COX16: variants seen among roughly 807,000 people sequenced by gnomAD.
COX16 encodes the protein cytochrome c oxidase assembly factor COX16, also known as cytochrome c oxidase assembly protein COX16 homolog, mitochondrial.
In COX16, 12 loss-of-function variants were observed where a neutral mutation model predicts 15.4. The observed-to-expected ratio is 0.78, with a 90% CI of 0.50 to 1.26. The LOEUF is 1.26. Ranked by LOEUF, COX16 falls within the 50% of genes most tolerant of loss-of-function variation. The pLI, the probability that COX16 is intolerant of heterozygous loss-of-function variation, is 0.00. For synonymous variants in COX16, 46 were observed against 41.1 expected (o/e 1.12, Z -0.46); for missense variants, 124 against 127.6 (o/e 0.97, Z 0.14).
intron 1 of COX16, chr14:70,359,311 AC>A (rs1566608979): frequency 7.7e-6 from 5 of 650,188 alleles, no homozygotes; most frequent in South Asian, 7.5e-5. Context: ...CTGAAATCCA[AC>A]CGGGAGTGGG....
chr14:70,332,114 A>C (rs1465622182), intron 2 of COX16, among the ~76,000 whole-genome samples: 1 of 152,232 alleles, frequency 6.6e-6, no homozygotes, highest in African/African-American at 2.4e-5. Context: ...ACCAGCTGCC[A>C]AGAGGTCCAG....
intron 2 of COX16, among the ~76,000 whole-genome samples, chr14:70,339,203 A>G (rs771152695): frequency 1.3e-5 from 2 of 152,200 alleles, no homozygotes; most frequent in Non-Finnish European, 2.9e-5. Context: ...GTGATCCAAC[A>G]ATGTATGACC....
In COX16 at chr14:70,326,265, A is replaced by G. The variant is rs778076740; in HGVS notation, c.*68T>C. 3.9e-5 allele frequency: 49 copies of G among 1,269,164 alleles called. No individual in the cohort carries two copies. Among genetic ancestry groups the G allele is most frequent in the Non-Finnish European group, 5.0e-5 (49 of 971,534 alleles). 78.6% of individuals were successfully genotyped at this position (1,269,164 alleles called of 1,614,324 possible). ...TTTCCTTTCCACTTGATAGAAGTAT[A>G]TATTAGGAAGTCCAGTTAATAATAT... On this transcript the variant is annotated 3_prime_UTR_variant, in exon 4 of 4. Coordinates refer to ENST00000389912, the MANE Select transcript of COX16 (RefSeq NM_016468.7).
chr14:70,347,361 C>G (rs1268814238), intron 1 of COX16, among the ~76,000 whole-genome samples: 1 of 152,192 alleles, frequency 6.6e-6, no homozygotes, highest in Non-Finnish European at 1.5e-5. Flanking sequence ...CCCTCCAATA[C>G]CACCCATTTT....
intron 3 of COX16, among the ~76,000 whole-genome samples, chr14:70,328,667 G>T (rs1886173366): frequency 6.6e-6 from 1 of 152,084 alleles, no homozygotes; most frequent in Non-Finnish European, 1.5e-5. Flanking sequence ...GCTTTCCCAT[G>T]TTCTTACTGA....
At chr14:70,336,681 A>G (rs772203162) in intron 2 of COX16, among the ~76,000 whole-genome samples, 5 of 152,226 alleles carry the variant, frequency 3.3e-5, no homozygotes, top group Admixed American at 6.5e-5. Flanking sequence ...ATTGAGAGAT[A>G]TATCTGTACT....
At chr14:70,331,668 AAATTGCTGGTAACAG>A (rs1379884650) in intron 2 of COX16, among the ~76,000 whole-genome samples, 2 of 152,250 alleles carry the variant, frequency 1.3e-5, no homozygotes, top group African/African-American at 4.8e-5. Context: ...CCTTAACAAT[AAATTGCTGGTAACAG>A]TATAGATGGA....
rs866027121 is a variant in COX16 at position 70,345,924 on chromosome 14, C to T, written c.70-3195G>A. The stretch of plus-strand genomic sequence containing the variant: ...CCAAGCCTCCTCGTTGTCTTCTCAG[C>T]TGCCATCTTCCCAGCTGCCATCTTC... On this transcript the variant is annotated intron_variant, in intron 1 of 3. Coordinates refer to ENST00000389912, the MANE Select transcript of COX16 (RefSeq NM_016468.7). Among the ~76,000 whole-genome samples, 4 of 152,062 alleles carry T rather than the reference C, an allele frequency of 2.6e-5. No individual in the cohort carries two copies. The South Asian group carries it at 8.3e-4, about 32-fold the overall frequency.
At chr14:70,353,853 TAAAG>T (rs1049629417) in intron 1 of COX16, among the ~76,000 whole-genome samples, 1 of 151,998 alleles carries the variant, frequency 6.6e-6, no homozygotes, top group Non-Finnish European at 1.5e-5. Context: ...ATATACCAAT[TAAAG>T]AATTAAATAT....
rs760078802 is a variant in COX16, at chr14:70,359,590, G to C, written c.-3C>G. The C allele has an allele frequency of 3.7e-6, 6 of 1,613,974 alleles. No individual in the cohort carries two copies. Among genetic ancestry groups the C allele is most frequent in the South Asian group, 2.2e-5 (2 of 91,080 alleles). ...CGCATCACCGCGGGTGCAAACATGA[G>C]TGAACTCTTCCATCGGCTCAGAACT... On this transcript the variant is annotated 5_prime_UTR_variant, in exon 1 of 4. Transcript: ENST00000389912.
At chr14:70,327,294 C>G (rs1886113073) in intron 3 of COX16, among the ~76,000 whole-genome samples, 1 of 152,112 alleles carries the variant, frequency 6.6e-6, no homozygotes, top group Non-Finnish European at 1.5e-5. Flanking sequence ...ATTTAAGCCA[C>G]CTGGGCATTA....
intron 2 of COX16, among the ~76,000 whole-genome samples, chr14:70,337,616 G>GA (rs1566599895): frequency 6.6e-6 from 1 of 151,932 alleles, no homozygotes; most frequent in Non-Finnish European, 1.5e-5. Context: ...AAAAACAAGA[G>GA]AAAAATAAAG....
rs561479178 is a variant in COX16 at position 70,332,060 on chromosome 14, C to T, written c.142-2824G>A. The stretch of plus-strand genomic sequence containing the variant: ...GCCTGGAAACAGCCCAGTCCTTCAA[C>T]GGGCTTAGCTATAGCCCCATTTGGC... On this transcript the variant is annotated intron_variant, in intron 2 of 3. Transcript: ENST00000389912. 6.6e-5 allele frequency among the ~76,000 whole-genome samples: 10 copies of T among 152,350 alleles called. No homozygotes were observed. The East Asian group carries it at 9.6e-4, about 15-fold the overall frequency.
At chr14:70,338,182 C>G (rs909875328) in intron 2 of COX16, among the ~76,000 whole-genome samples, 2 of 152,194 alleles carry the variant, frequency 1.3e-5, no homozygotes, top group African/African-American at 4.8e-5. Flanking sequence ...GGCACGATCA[C>G]AGCTCACTGC....
At chr14:70,339,893 T>G (rs1332892002) in intron 2 of COX16, among the ~76,000 whole-genome samples, 1 of 150,928 alleles carries the variant, frequency 6.6e-6, no homozygotes, top group Non-Finnish European at 1.5e-5. Flanking sequence ...TTAACCATCC[T>G]CCTTCTTTTA....
intron 1 of COX16, among the ~76,000 whole-genome samples, chr14:70,347,961 C>T (rs939142390): frequency 3.3e-5 from 5 of 152,130 alleles, no homozygotes; most frequent in Admixed American, 2.0e-4. Flanking sequence ...TATTACCCAA[C>T]CTTTCCATCT....
intron 2 of COX16, among the ~76,000 whole-genome samples, chr14:70,334,433 G>A (rs1189488889): frequency 2.6e-5 from 4 of 152,176 alleles, no homozygotes; most frequent in African/African-American, 9.7e-5. Flanking sequence ...TTAGGCAGAA[G>A]AATCGCTTGG....
chr14:70,356,138 A>G (rs1307834844), intron 1 of COX16, among the ~76,000 whole-genome samples: 1 of 144,752 alleles, frequency 6.9e-6, no homozygotes, highest in Non-Finnish European at 1.5e-5. Context: ...CTTTATAGCA[A>G]CAGTGGTCCC....
At chr14:70,344,976 C>T (rs1886731995) in intron 1 of COX16, among the ~76,000 whole-genome samples, 1 of 152,138 alleles carries the variant, frequency 6.6e-6, no homozygotes, top group Non-Finnish European at 1.5e-5. Flanking sequence ...CATGTTGCTC[C>T]TCACCACCTC....
Sources: gnomAD v4.1 joint callset for allele counts (sites outside exome capture counted in the v4.1 genomes callset) on GRCh38, gnomAD v4.1.1 for gene constraint, MANE v1.5 for transcripts, NCBI Gene and HGNC (gene_info 2026-07-23, HGNC 2026-07-21) for gene names.